HERC4: variants seen among roughly 807,000 people sequenced by gnomAD.
The protein encoded by HERC4 is probable E3 ubiquitin-protein ligase HERC4.
A neutral mutation model predicts 124.3 loss-of-function variants in HERC4; 28 were observed. The observed-to-expected ratio is 0.23, with a 90% CI of 0.17 to 0.31. The LOEUF (loss-of-function observed/expected upper bound fraction) is 0.31. HERC4 is among the 10% of genes least tolerant of loss of function. The pLI, the probability that HERC4 is intolerant of heterozygous loss-of-function variation, is 1.00. For missense variants in HERC4, 713 were observed against 1,229.3 expected, an observed-to-expected ratio of 0.58 and a Z score of 6.28; for synonymous variants, 407 against 421.5, an observed-to-expected ratio of 0.97 and a Z score of 0.42.
intron 9 of HERC4, chr10:68,010,540 G>A (rs1014059047): frequency 5.0e-5 from 49 of 971,962 alleles, no homozygotes; most frequent in Non-Finnish European, 6.1e-5. Flanking sequence ...GGCTTCAGGC[G>A]CTGCAGGAAC....
intron 20 of HERC4, among the ~76,000 whole-genome samples, chr10:67,940,280 T>C (rs898688326): frequency 1.3e-4 from 20 of 152,126 alleles, no homozygotes; most frequent in Non-Finnish European, 2.9e-4. Flanking sequence ...TAAAAATAAA[T>C]TTCACATATT....
At chr10:68,022,510 A>AATAC (rs2133235937) in intron 8 of HERC4, among the ~76,000 whole-genome samples, 1 of 149,356 alleles carries the variant, frequency 6.7e-6, no homozygotes, top group South Asian at 2.1e-4. Context: ...AAAATAAATA[A>AATAC]ATAAATAAAT....
rs2040803630 is a variant in HERC4, at chr10:68,059,633, AATATTATATATT to A, written c.226+13238_226+13249del. The stretch of plus-strand genomic sequence containing the variant: ...TATATATCATAATATTATATATCAT[AATATTATATATT>A]ATATTATATATCATATTATATATTA... On this transcript the variant is annotated intron_variant, in intron 3 of 24. Coordinates refer to ENST00000373700, the MANE Select transcript of HERC4 (RefSeq NM_015601.4). Among the ~76,000 whole-genome samples, 8 of 83,860 alleles carry A rather than the reference AATATTATATATT, an allele frequency of 9.5e-5. 2 individuals carry two copies. The highest frequency in any genetic ancestry group is 3.5e-4 in the African/African-American group (5 of 14,398). The allele number at this position is 83,860 out of a possible 152,430, so 55.0% of individuals were successfully genotyped here.
At chr10:68,039,630 A>C in intron 4 of HERC4, 1 of 1,380,568 alleles carries the variant, frequency 7.2e-7, no homozygotes, top group African/African-American at 1.4e-5. Flanking sequence ...AGCAGAATCC[A>C]ACAAATTAGC....
In HERC4 at chr10:67,985,554, A is replaced by G. The variant is rs144194993; in HGVS notation, c.1806+3109T>C. Reference sequence around the variant, plus strand: ...GTTTGGTTTTATTTAAGGGTTCTACATAAAATAGTTTGAAAATCACTGATT... The same window carrying G: ...GTTTGGTTTTATTTAAGGGTTCTACGTAAAATAGTTTGAAAATCACTGATT... On this transcript the variant is annotated intron_variant, in intron 15 of 24. Coordinates refer to ENST00000373700, the MANE Select transcript of HERC4 (RefSeq NM_015601.4). Among the ~76,000 whole-genome samples, 33 of 152,350 alleles carry G rather than the reference A, an allele frequency of 2.2e-4. No homozygotes were observed. The East Asian group carries it at 6.0e-3, about 28-fold the overall frequency.
chr10:67,936,025 C>T, intron 22 of HERC4, 128 bp downstream of exon 22: 1 of 540,926 alleles, frequency 1.8e-6, no homozygotes, highest in Non-Finnish European at 3.3e-6. Context: ...AGATTATTTC[C>T]TCACTAACCA....
In HERC4 at chr10:68,059,823, CATA is replaced by C. The variant is rs1234155483; in HGVS notation, c.226+13057_226+13059del. On this transcript the variant is annotated intron_variant, in intron 3 of 24. Coordinates refer to ENST00000373700, the MANE Select transcript of HERC4 (RefSeq NM_015601.4). ...TATTATATATTATAATATTATATAT[CATA>C]ATATTATATATTATAATATATTATA... Among the ~76,000 whole-genome samples, 172 of 47,022 alleles carry C rather than the reference CATA, an allele frequency of 3.7e-3. 4 individuals carry two copies. Among genetic ancestry groups the C allele is most frequent in the Middle Eastern group, 0.013 (1 of 80 alleles). 30.8% of individuals were successfully genotyped at this position (47,022 alleles called of 152,430 possible).
chr10:67,936,899 T>C (rs1366311618), intron 21 of HERC4, among the ~76,000 whole-genome samples: 1 of 152,160 alleles, frequency 6.6e-6, no homozygotes, highest in Admixed American at 6.6e-5. Context: ...TGCTGTGATG[T>C]TTACTATCTA....
intron 15 of HERC4, among the ~76,000 whole-genome samples, chr10:67,987,036 A>G (rs2036301351): frequency 6.6e-6 from 1 of 152,182 alleles, no homozygotes; most frequent in Admixed American, 6.5e-5. Context: ...GAGTATTCAC[A>G]TGAACTACAG....
At chr10:67,959,032 CG>C in intron 16 of HERC4, 1 of 1,197,852 alleles carries the variant, frequency 8.3e-7, no homozygotes, top group South Asian at 1.5e-5. Flanking sequence ...ACCAAAAAAA[CG>C]AATCTTTGGC....
At chr10:68,010,268 A>G (rs1020779224) in intron 9 of HERC4, 2 of 995,280 alleles carry the variant, frequency 2.0e-6, no homozygotes, top group African/African-American at 1.6e-5. Context: ...ACTAAGGAAC[A>G]CAGTGCAGTG....
At chr10:68,057,353 C>T (rs776772536) in intron 3 of HERC4, among the ~76,000 whole-genome samples, 1 of 152,046 alleles carries the variant, frequency 6.6e-6, no homozygotes, top group Admixed American at 6.6e-5. Context: ...GTATAACTAA[C>T]GGTGGCTCAT....
At chr10:68,062,938 T>G (rs2133791426) in intron 3 of HERC4, among the ~76,000 whole-genome samples, 1 of 152,250 alleles carries the variant, frequency 6.6e-6, no homozygotes, top group Non-Finnish European at 1.5e-5. Flanking sequence ...TTCTACAATC[T>G]GACCTCAATT....
At chr10:67,999,299 T>A (rs958538253) in intron 9 of HERC4, among the ~76,000 whole-genome samples, 1 of 152,208 alleles carries the variant, frequency 6.6e-6, no homozygotes, top group African/African-American at 2.4e-5. Context: ...CTTCATCAGA[T>A]CATATCATTT....
intron 9 of HERC4, among the ~76,000 whole-genome samples, chr10:68,012,769 T>C (rs1390661105): frequency 6.6e-6 from 1 of 152,230 alleles, no homozygotes; most frequent in Non-Finnish European, 1.5e-5. Context: ...ACTTGCTCAA[T>C]GCAGTGTTGT....
At chr10:67,970,583 C>T (rs1381372025) in intron 15 of HERC4, among the ~76,000 whole-genome samples, 4 of 145,654 alleles carry the variant, frequency 2.7e-5, no homozygotes, top group Non-Finnish European at 4.5e-5. Context: ...CAGAGCGAGA[C>T]TCTGTCTCAA....
At chr10:67,942,883 C>T (rs2033033013) in intron 19 of HERC4, among the ~76,000 whole-genome samples, 1 of 152,196 alleles carries the variant, frequency 6.6e-6, no homozygotes. Flanking sequence ...TGTATATATA[C>T]TCTATGCACA....
intron 8 of HERC4, among the ~76,000 whole-genome samples, chr10:68,021,120 C>CA (rs947317970): frequency 1.2e-4 from 19 of 152,138 alleles, no homozygotes; most frequent in Non-Finnish European, 2.4e-4. Flanking sequence ...AGGATAAACT[C>CA]AGAGACCAGA....
intron 9 of HERC4, chr10:68,010,539 C>T (rs896505104): frequency 5.1e-6 from 5 of 972,050 alleles, no homozygotes; most frequent in East Asian, 2.6e-5. Flanking sequence ...GGGCTTCAGG[C>T]GCTGCAGGAA....
Sources: gnomAD v4.1 joint callset for allele counts (sites outside exome capture counted in the v4.1 genomes callset) on GRCh38, gnomAD v4.1.1 for gene constraint, MANE v1.5 for transcripts, NCBI Gene and HGNC (gene_info 2026-07-23, HGNC 2026-07-21) for gene names.